ASAP1: variants seen among roughly 807,000 people sequenced by gnomAD.
ASAP1 encodes the protein arf-GAP with SH3 domain, ANK repeat and PH domain-containing protein 1.
A neutral mutation model predicts 145.2 loss-of-function variants in ASAP1; 43 were observed. The observed-to-expected ratio is 0.30, with a 90% CI of 0.23 to 0.38. The LOEUF (loss-of-function observed/expected upper bound fraction) is 0.38. Ranked by LOEUF, ASAP1 falls within the 10% of genes least tolerant of loss-of-function variation. The pLI, the probability that ASAP1 is intolerant of heterozygous loss-of-function variation, is 1.00. For missense variants in ASAP1, 1,018 were observed against 1,355.3 expected (o/e 0.75, Z 3.91); for synonymous variants, 546 against 515.5 (o/e 1.06, Z -0.80).
chr8:130,363,121 A>G (rs78960866), intron 2 of ASAP1, among the ~76,000 whole-genome samples: 3,050 of 152,348 alleles, frequency 0.02, 99 homozygotes, highest in African/African-American at 0.068. Flanking sequence ...TGTTCTGAGA[A>G]TTCAACGAGC....
In ASAP1 at chr8:130,366,886, C is replaced by CTTTTTTTTTTTTTTTTTTTTTTTTTTTT. The variant is rs905755447; in HGVS notation, c.60-8744_60-8743insAAAAAAAAAAAAAAAAAAAAAAAAAAAA. On this transcript the variant is annotated intron_variant, in intron 2 of 29. Transcript: ENST00000518721. Reference sequence around the variant, plus strand: ...TCTAAACAGGTACTATGCTAGATTCCTTTTTTTTTTTTTTTTTTTTTTGAG... The same window carrying CTTTTTTTTTTTTTTTTTTTTTTTTTTTT: ...TCTAAACAGGTACTATGCTAGATTCCTTTTTTTTTTTTTTTTTTTTTTTTTTTTTTTTTTTTTTTTTTTTTTTTTTGAG... Among the ~76,000 whole-genome samples, 5 of 99,206 alleles carry CTTTTTTTTTTTTTTTTTTTTTTTTTTTT rather than the reference C, an allele frequency of 5.0e-5. 1 individual carries two copies. The highest frequency in any genetic ancestry group is 1.6e-4 in the African/African-American group (4 of 24,730). The allele number at this position is 99,206 out of a possible 152,430, so 65.1% of individuals were successfully genotyped here.
intron 3 of ASAP1, among the ~76,000 whole-genome samples, chr8:130,295,662 T>G (rs181835754): frequency 2.5e-4 from 38 of 152,338 alleles, no homozygotes; most frequent in Non-Finnish European, 4.4e-4. Context: ...CAGAAAGCTT[T>G]TACCATAAGC....
intron 3 of ASAP1, among the ~76,000 whole-genome samples, chr8:130,347,255 T>C (rs1825751966): frequency 6.6e-6 from 1 of 152,240 alleles, no homozygotes; most frequent in African/African-American, 2.4e-5. Flanking sequence ...TGATTTTTCC[T>C]GACCACATCA....
At chr8:130,201,591 T>C (rs1329132713) in intron 5 of ASAP1, among the ~76,000 whole-genome samples, 2 of 152,222 alleles carry the variant, frequency 1.3e-5, no homozygotes, top group African/African-American at 4.8e-5. Context: ...TGATTTCATT[T>C]GACGATAATT....
chr8:130,215,014 C>T (rs979103277), intron 4 of ASAP1, among the ~76,000 whole-genome samples: 1 of 152,020 alleles, frequency 6.6e-6, no homozygotes, highest in Admixed American at 6.5e-5. Context: ...GATTCTCCTG[C>T]CTCAGCCTCT....
At chr8:130,101,029 AAAG>A (rs2097527879) in intron 24 of ASAP1, among the ~76,000 whole-genome samples, 1 of 152,224 alleles carries the variant, frequency 6.6e-6, no homozygotes, top group African/African-American at 2.4e-5. Flanking sequence ...TCAGCAAATT[AAAG>A]AAGGATCCTT....
intron 11 of ASAP1, among the ~76,000 whole-genome samples, chr8:130,161,149 T>C (rs796226936): frequency 6.6e-5 from 10 of 152,022 alleles, no homozygotes; most frequent in African/African-American, 2.4e-4. Context: ...AAACCCAAAA[T>C]GAATTATTCA....
chr8:130,391,619 G>A (rs1828288206), intron 2 of ASAP1, among the ~76,000 whole-genome samples: 1 of 152,318 alleles, frequency 6.6e-6, no homozygotes, highest in African/African-American at 2.4e-5. Context: ...GACAGGAGAG[G>A]TCAATGCCAA....
chr8:130,360,250 C>T (rs927413620), intron 2 of ASAP1, among the ~76,000 whole-genome samples: 2 of 152,210 alleles, frequency 1.3e-5, no homozygotes, highest in Non-Finnish European at 2.9e-5. Context: ...GAAGGCTTTG[C>T]TGACAAGGTG....
chr8:130,204,027 C>T (rs546262943), intron 5 of ASAP1, among the ~76,000 whole-genome samples: 84 of 152,260 alleles, frequency 5.5e-4, no homozygotes, highest in East Asian at 1.2e-3. Flanking sequence ...CTCTAGAGCA[C>T]GGGTCCCCAG....
chr8:130,167,022 GGCT>G (rs2097681274), intron 11 of ASAP1, among the ~76,000 whole-genome samples: 1 of 152,154 alleles, frequency 6.6e-6, no homozygotes, highest in Non-Finnish European at 1.5e-5. Flanking sequence ...ATAGTCATGG[GGCT>G]GGGCACAGTG....
chr8:130,411,744 A>G (rs548485881), intron 1 of ASAP1, among the ~76,000 whole-genome samples: 1 of 152,312 alleles, frequency 6.6e-6, no homozygotes, highest in Non-Finnish European at 1.5e-5. Context: ...ACTAGAAATG[A>G]CATCTGCAGC....
chr8:130,347,408 G>A (rs1825760785), intron 3 of ASAP1, among the ~76,000 whole-genome samples: 1 of 152,222 alleles, frequency 6.6e-6, no homozygotes, highest in Admixed American at 6.5e-5. Flanking sequence ...GCGTCACTGA[G>A]TGCCAGGCAT....
At chr8:130,396,732 A>G (rs1454973663) in intron 2 of ASAP1, among the ~76,000 whole-genome samples, 1 of 152,144 alleles carries the variant, frequency 6.6e-6, no homozygotes, top group Non-Finnish European at 1.5e-5. Context: ...TGCAGCCAAA[A>G]AGGGACATCA....
At chr8:130,394,172 A>G (rs1391263581) in intron 2 of ASAP1, among the ~76,000 whole-genome samples, 3 of 152,198 alleles carry the variant, frequency 2.0e-5, no homozygotes, top group Admixed American at 1.3e-4. Context: ...TTAAACTTTG[A>G]CCACCGGTGA....
At chr8:130,407,905 T>C (rs1829105063) in intron 1 of ASAP1, among the ~76,000 whole-genome samples, 2 of 152,198 alleles carry the variant, frequency 1.3e-5, no homozygotes, top group African/African-American at 2.4e-5. Flanking sequence ...GCTTGGACAA[T>C]TTTTTCCCCA....
chr8:130,237,272 T>C (rs1236432827), intron 3 of ASAP1, among the ~76,000 whole-genome samples: 1 of 152,038 alleles, frequency 6.6e-6, no homozygotes, highest in African/African-American at 2.4e-5. Flanking sequence ...AGAAAGACAG[T>C]ACAAGACACT....
intron 4 of ASAP1, among the ~76,000 whole-genome samples, chr8:130,219,196 C>CTT (rs11324757): frequency 4.8e-5 from 7 of 146,856 alleles, no homozygotes; most frequent in African/African-American, 7.5e-5. Flanking sequence ...TCTCACATGT[C>CTT]TTTTTTTTTT....
intron 24 of ASAP1, among the ~76,000 whole-genome samples, chr8:130,103,511 T>TA (rs2097532241): frequency 1.3e-5 from 2 of 151,040 alleles, no homozygotes; most frequent in Non-Finnish European, 3.0e-5. Flanking sequence ...TTTATTTTTT[T>TA]ATTTTTTTTG....
Sources: gnomAD v4.1 joint callset for allele counts (sites outside exome capture counted in the v4.1 genomes callset) on GRCh38, gnomAD v4.1.1 for gene constraint, MANE v1.5 for transcripts, NCBI Gene and HGNC (gene_info 2026-07-23, HGNC 2026-07-21) for gene names.